ME3: variants seen among roughly 807,000 people sequenced by gnomAD.
ME3 encodes the protein NADP-dependent malic enzyme, mitochondrial.
A neutral mutation model predicts 68.9 loss-of-function variants in ME3; 48 were observed. The ratio of observed to expected loss-of-function variants is 0.70; its 90% CI spans 0.55 to 0.89. The LOEUF is 0.89. Ranked by LOEUF, ME3 falls within the 40% of genes least tolerant of loss-of-function variation. The pLI, the probability that ME3 is intolerant of heterozygous loss-of-function variation, is 0.00. For synonymous variants in ME3, 320 were observed against 318.8 expected, an observed-to-expected ratio of 1.00 and a Z score of -0.04; for missense variants, 675 against 797.4, an observed-to-expected ratio of 0.85 and a Z score of 1.85.
At position 86,604,128 on chromosome 11, in the gene ME3, C is replaced by T. The variant is rs141600652; in HGVS notation, c.184-44305G>A. 5.6e-4 allele frequency among the ~76,000 whole-genome samples: 84 copies of T among 150,996 alleles called. 2 individuals carry two copies. The East Asian group carries it at 0.012, about 22-fold the overall frequency. ...AAAAAAGTTAAAAAAAAAAAGTTGT[C>T]AATAGATAGGAGTGTCTGGGTTGTG... is the stretch of plus-strand genomic sequence containing the variant. On this transcript the variant is annotated intron_variant, in intron 2 of 14. Transcript: ENST00000543262.
intron 4 of ME3, among the ~76,000 whole-genome samples, chr11:86,532,055 AAAG>A (rs1460796094): frequency 6.6e-6 from 1 of 152,194 alleles, no homozygotes; most frequent in African/African-American, 2.4e-5. Flanking sequence ...AATGTAAACC[AAAG>A]AAGAACAGGG....
intron 4 of ME3, among the ~76,000 whole-genome samples, chr11:86,555,629 C>T (rs970561964): frequency 1.3e-5 from 2 of 152,166 alleles, no homozygotes; most frequent in African/African-American, 4.8e-5. Context: ...CGGAAAGAAA[C>T]AGGACTGGCA....
intron 8 of ME3, 94 bp downstream of exon 8, chr11:86,464,997 G>T: frequency 1.0e-6 from 1 of 974,438 alleles, no homozygotes; most frequent in Non-Finnish European, 1.6e-6. Context: ...ACCAACTATG[G>T]GGTGACAGCC....
At chr11:86,652,258 T>G (rs1230300884) in intron 2 of ME3, among the ~76,000 whole-genome samples, 1 of 151,880 alleles carries the variant, frequency 6.6e-6, no homozygotes, top group Non-Finnish European at 1.5e-5. Flanking sequence ...ACAAAGATAC[T>G]CCTCGAGAAG....
chr11:86,575,652 G>A (rs899790275), intron 2 of ME3, among the ~76,000 whole-genome samples: 1 of 117,898 alleles, frequency 8.5e-6, no homozygotes, highest in African/African-American at 4.0e-5. Context: ...CCCAGGTTGG[G>A]TGCAGTGACT....
intron 4 of ME3, among the ~76,000 whole-genome samples, chr11:86,555,105 A>G (rs1240005381): frequency 1.3e-5 from 2 of 152,138 alleles, no homozygotes; most frequent in Non-Finnish European, 2.9e-5. Context: ...AGTTTGAGGC[A>G]GACAGGACCA....
intron 2 of ME3, among the ~76,000 whole-genome samples, chr11:86,646,949 C>T (rs1219196915): frequency 6.6e-6 from 1 of 152,102 alleles, no homozygotes; most frequent in Admixed American, 6.5e-5. Flanking sequence ...ATCCAGCCAA[C>T]CAAGCTTCAT....
chr11:86,643,238 A>G (rs1445914104), intron 2 of ME3, among the ~76,000 whole-genome samples: 1 of 152,066 alleles, frequency 6.6e-6, no homozygotes, highest in Non-Finnish European at 1.5e-5. Context: ...TTCAAATCCT[A>G]TAGTGTCACT....
chr11:86,662,958 A>G (rs573401733), intron 2 of ME3, among the ~76,000 whole-genome samples: 1 of 152,282 alleles, frequency 6.6e-6, no homozygotes, highest in Non-Finnish European at 1.5e-5. Context: ...AGCTATGCCA[A>G]TTTATAGAGA....
intron 4 of ME3, among the ~76,000 whole-genome samples, chr11:86,510,916 A>G (rs1053229387): frequency 6.6e-6 from 1 of 152,176 alleles, no homozygotes; most frequent in African/African-American, 2.4e-5. Context: ...AAGACTCAAG[A>G]CAAAACTGAT....
intron 5 of ME3, among the ~76,000 whole-genome samples, chr11:86,501,977 C>T (rs1245465385): frequency 1.3e-5 from 2 of 152,154 alleles, no homozygotes; most frequent in Non-Finnish European, 2.9e-5. Context: ...TTCTTGCCCC[C>T]AAATCTCTAA....
At chr11:86,619,131 G>A (rs754311045) in intron 2 of ME3, among the ~76,000 whole-genome samples, 13 of 152,098 alleles carry the variant, frequency 8.5e-5, no homozygotes, top group Non-Finnish European at 1.5e-4. Flanking sequence ...GCTCCCTGAG[G>A]CCTCCCCAGA....
At chr11:86,662,373 G>C (rs984720941) in intron 2 of ME3, among the ~76,000 whole-genome samples, 1 of 152,162 alleles carries the variant, frequency 6.6e-6, no homozygotes, top group Non-Finnish European at 1.5e-5. Context: ...AGGATCACTT[G>C]AGGCCAGGAG....
Position 86,672,313 on chromosome 11 carries a change from C to G in ME3, c.-15+11G>C, listed in dbSNP as rs189136321. ...GGTGGCTTGCCTCGGTCCTCTCCTT[C>G]CCTGGCCCACCTGCGCTGCTCGGGG... On this transcript the variant is annotated intron_variant, in intron 1 of 14. Coordinates refer to ENST00000543262, the Ensembl canonical transcript of ME3. 407 of 202,910 alleles carry G rather than the reference C, an allele frequency of 2.0e-3. 2 individuals carry two copies. The highest frequency in any genetic ancestry group is 9.0e-3 in the African/African-American group (393 of 43,452). 12.6% of individuals were successfully genotyped at this position (202,910 alleles called of 1,614,324 possible).
intron 2 of ME3, among the ~76,000 whole-genome samples, chr11:86,573,100 T>C (rs906811827): frequency 2.6e-5 from 4 of 152,234 alleles, no homozygotes; most frequent in Non-Finnish European, 1.5e-5. Flanking sequence ...TCTGTTCATA[T>C]ACTTTGCCCA....
intron 2 of ME3, 134 bp downstream of exon 2, chr11:86,671,627 GC>G (rs1946949161): frequency 1.9e-6 from 2 of 1,061,514 alleles, no homozygotes; most frequent in East Asian, 3.0e-5. Context: ...GTCACAACAA[GC>G]CCCTGCAAGG....
Position 86,465,215 on chromosome 11 carries a change from AG to A in ME3, c.810-16del. On this transcript the variant is annotated splice_polypyrimidine_tract_variant and intron_variant, in intron 7 of 14. Transcript: ENST00000543262. ...TTATTCCAAACCTGTGTGGAGGGAG[AG>A]GAAGAAACCCATGATTGCCTCTCTG... is the stretch of plus-strand genomic sequence containing the variant. 6.3e-7 allele frequency: 1 copy of A among 1,576,374 alleles called. No individual in the cohort carries two copies. Among genetic ancestry groups the A allele is most frequent in the Non-Finnish European group, 8.7e-7 (1 of 1,148,280 alleles).
chr11:86,607,544 A>T (rs1474348593), intron 2 of ME3, among the ~76,000 whole-genome samples: 1 of 151,074 alleles, frequency 6.6e-6, no homozygotes, highest in Admixed American at 6.6e-5. Context: ...TAGGAGAGTA[A>T]GTCCTTCCTG....
At chr11:86,476,814 G>A (rs1326799122) in intron 7 of ME3, among the ~76,000 whole-genome samples, 1 of 152,144 alleles carries the variant, frequency 6.6e-6, no homozygotes, top group Non-Finnish European at 1.5e-5. Flanking sequence ...CACACCTAGG[G>A]CTGTTTCATT....
Sources: gnomAD v4.1 joint callset for allele counts (sites outside exome capture counted in the v4.1 genomes callset) on GRCh38, gnomAD v4.1.1 for gene constraint, MANE v1.5 for transcripts, NCBI Gene and HGNC (gene_info 2026-07-23, HGNC 2026-07-21) for gene names.